SLX4IP: variants seen among roughly 807,000 people sequenced by gnomAD.
The protein encoded by SLX4IP is protein SLX4IP.
SLX4IP carries 34 observed loss-of-function variants against 32.9 expected under a neutral mutation model. The ratio of observed to expected loss-of-function variants is 1.03; its 90% CI spans 0.79 to 1.38. The LOEUF (loss-of-function observed/expected upper bound fraction) is 1.38, where lower values mean the gene tolerates loss of function less well. SLX4IP is among the 40% of genes most tolerant of loss of function. SLX4IP has a pLI of 0.00. For synonymous variants in SLX4IP, 172 were observed against 171.7 expected, an observed-to-expected ratio of 1.00 and a Z score of -0.01; for missense variants, 444 against 479.0, an observed-to-expected ratio of 0.93 and a Z score of 0.68.
chr20:10,476,118 T>C (rs1466713450), intron 2 of SLX4IP, among the ~76,000 whole-genome samples: 1 of 147,228 alleles, frequency 6.8e-6, no homozygotes, highest in Non-Finnish European at 1.5e-5. Flanking sequence ...TTTTGAAGTG[T>C]TTTAAGGTTT....
intron 2 of SLX4IP, among the ~76,000 whole-genome samples, chr20:10,483,540 A>G (rs923330596): frequency 6.6e-6 from 1 of 152,354 alleles, no homozygotes. Context: ...ACATAAATGA[A>G]GAATTCCTCA....
At chr20:10,512,810 A>ACACACAC (rs375227248) in intron 2 of SLX4IP, among the ~76,000 whole-genome samples, 116 of 20,554 alleles carry the variant, frequency 5.6e-3, no homozygotes, top group Non-Finnish European at 0.013. Context: ...ATATATATAT[A>ACACACAC]TATATATATA....
intron 2 of SLX4IP, among the ~76,000 whole-genome samples, chr20:10,507,965 G>GAT (rs754038628): frequency 3.2e-4 from 49 of 150,792 alleles, no homozygotes; most frequent in South Asian, 6.3e-4. Context: ...GTGTATATTT[G>GAT]ATATATATAT....
Position 10,612,620 on chromosome 20 carries a change from A to C in SLX4IP, c.406-8694A>C, listed in dbSNP as rs572046019. 7.9e-5 allele frequency among the ~76,000 whole-genome samples: 12 copies of C among 152,162 alleles called. No individual in the cohort carries two copies. In the South Asian group the frequency reaches 2.5e-3, roughly 32 times the overall value. Reference sequence around the variant, plus strand: ...GAGTGCAGTGGCGTGACCTCGGCTCACCTCAACCTCCGTCTCCCAGGTTCA... The same window carrying C: ...GAGTGCAGTGGCGTGACCTCGGCTCCCCTCAACCTCCGTCTCCCAGGTTCA... On this transcript the variant is annotated intron_variant, in intron 6 of 7. Coordinates refer to ENST00000334534, the MANE Select transcript of SLX4IP (RefSeq NM_001009608.3).
At chr20:10,560,898 T>C in intron 4 of SLX4IP, 78 bp downstream of exon 4, 2 of 1,335,348 alleles carry the variant, frequency 1.5e-6, no homozygotes. Flanking sequence ...TATGTTTGAC[T>C]CTGACTGTCA....
At chr20:10,513,668 T>C (rs1277481271) in intron 2 of SLX4IP, among the ~76,000 whole-genome samples, 1 of 152,232 alleles carries the variant, frequency 6.6e-6, no homozygotes, top group African/African-American at 2.4e-5. Context: ...TAGAGCTGCC[T>C]CTGGCATTCC....
At chr20:10,460,437 A>G (rs1183069202) in intron 2 of SLX4IP, among the ~76,000 whole-genome samples, 1 of 152,166 alleles carries the variant, frequency 6.6e-6, no homozygotes, top group Non-Finnish European at 1.5e-5. Flanking sequence ...GACTCAACTT[A>G]GGTGGAAAAT....
At chr20:10,530,585 G>A (rs1227263508) in intron 2 of SLX4IP, among the ~76,000 whole-genome samples, 2 of 152,234 alleles carry the variant, frequency 1.3e-5, no homozygotes, top group Non-Finnish European at 2.9e-5. Context: ...TTGAGAAATA[G>A]ATTGCAAAAT....
chr20:10,498,339 C>T (rs965921563), intron 2 of SLX4IP, among the ~76,000 whole-genome samples: 3 of 151,926 alleles, frequency 2.0e-5, no homozygotes, highest in Non-Finnish European at 2.9e-5. Context: ...TTTCCTCTGG[C>T]GAGTCCTTCT....
rs944491440 is a variant in SLX4IP, at chr20:10,623,861, G to A, written c.*482G>A. 1 of 158,798 alleles carries A rather than the reference G, an allele frequency of 6.3e-6. No individual in the cohort carries two copies. Among genetic ancestry groups the A allele is most frequent in the Admixed American group, 6.0e-5 (1 of 16,760 alleles). The allele number at this position is 158,798 out of a possible 1,614,324, so 9.8% of individuals were successfully genotyped here. The stretch of plus-strand genomic sequence containing the variant: ...AGTGGTTCTTAGCGCGTGGTCCTGG[G>A]ACCAGCTTCGTTGTCTGGAAATGTG... On this transcript the variant is annotated 3_prime_UTR_variant, in exon 8 of 8. Coordinates refer to ENST00000334534, the MANE Select transcript of SLX4IP (RefSeq NM_001009608.3).
chr20:10,525,283 C>A (rs1416888239), intron 2 of SLX4IP, among the ~76,000 whole-genome samples: 1 of 152,108 alleles, frequency 6.6e-6, no homozygotes, highest in East Asian at 1.9e-4. Context: ...ATCCTGTACT[C>A]CAGAAGACAC....
At chr20:10,524,776 G>C (rs1216602335) in intron 2 of SLX4IP, among the ~76,000 whole-genome samples, 1 of 152,176 alleles carries the variant, frequency 6.6e-6, no homozygotes, top group Non-Finnish European at 1.5e-5. Flanking sequence ...TCAGTTGACA[G>C]GTCTCGAAAA....
At chr20:10,500,392 G>C (rs2065707684) in intron 2 of SLX4IP, among the ~76,000 whole-genome samples, 1 of 152,034 alleles carries the variant, frequency 6.6e-6, no homozygotes, top group African/African-American at 2.4e-5. Flanking sequence ...GCCTCCGAAA[G>C]TGCTTGGATT....
chr20:10,502,217 C>G (rs972650354), intron 2 of SLX4IP, among the ~76,000 whole-genome samples: 1 of 152,154 alleles, frequency 6.6e-6, no homozygotes, highest in African/African-American at 2.4e-5. Context: ...TGTGGCATTT[C>G]TGTGTAGGAA....
rs1010193508 is a variant in SLX4IP, at chr20:10,623,789, T to C, written c.*410T>C. On this transcript the variant is annotated 3_prime_UTR_variant, in exon 8 of 8. Coordinates refer to ENST00000334534, the MANE Select transcript of SLX4IP (RefSeq NM_001009608.3). ...CTTTCAGCTCCAGGGGTACAATCCA[T>C]CCCCCTGCTCCTCAGCCTGAGTAGG... 5.8e-6 allele frequency: 1 copy of C among 171,314 alleles called. No individual in the cohort carries two copies. The highest frequency in any genetic ancestry group is 1.6e-4 in the East Asian group (1 of 6,400). 10.6% of individuals were successfully genotyped at this position (171,314 alleles called of 1,614,324 possible). A position where few individuals can be genotyped will look rare whatever the true frequency, so the allele number is the denominator to read the frequency against.
chr20:10,616,378 CAA>C (rs35911173), intron 6 of SLX4IP, among the ~76,000 whole-genome samples: 1,725 of 142,462 alleles, frequency 0.012, 35 homozygotes, highest in African/African-American at 0.041. Context: ...TGTCAAGTCC[CAA>C]AAAAAAAAAT....
intron 1 of SLX4IP, among the ~76,000 whole-genome samples, chr20:10,449,213 G>C (rs576831121): frequency 6.6e-6 from 1 of 152,334 alleles, no homozygotes; most frequent in East Asian, 1.9e-4. Context: ...CGACTTTCCA[G>C]ATGTGTTATG....
intron 2 of SLX4IP, among the ~76,000 whole-genome samples, chr20:10,529,611 A>AAAAC (rs1464545855): frequency 1.3e-5 from 2 of 151,446 alleles, no homozygotes; most frequent in African/African-American, 4.8e-5. Context: ...AAAAAAAAAA[A>AAAAC]AAATGATTCT....
chr20:10,542,702 A>C (rs1427701778), intron 2 of SLX4IP, among the ~76,000 whole-genome samples: 2 of 152,218 alleles, frequency 1.3e-5, no homozygotes, highest in Admixed American at 6.5e-5. Flanking sequence ...CTCTTGACTA[A>C]GAATGCCTCC....
Sources: allele counts gnomAD v4.1 joint callset (sites outside exome capture counted in the v4.1 genomes callset), GRCh38; gene constraint gnomAD v4.1.1; transcripts MANE v1.5; gene names NCBI Gene and HGNC (gene_info 2026-07-23, HGNC 2026-07-21).